The following NBEA variants were observed in gnomAD, a reference collection of about 807,000 sequenced individuals.
The protein encoded by NBEA is lysosomal-trafficking regulator 2.
A neutral mutation model predicts 343.4 loss-of-function variants in NBEA; 44 were observed. The observed-to-expected ratio is 0.13, with a 90% CI of 0.10 to 0.16. NBEA has a LOEUF of 0.16. Ranked by LOEUF, NBEA falls within the 10% of genes least tolerant of loss-of-function variation. The pLI is 1.00. For synonymous variants in NBEA, 1,175 were observed against 1,238.7 expected (o/e 0.95, Z 1.08); for missense variants, 2,555 against 3,631.3 (o/e 0.70, Z 7.62).
intron 30 of NBEA, among the ~76,000 whole-genome samples, chr13:35,191,727 C>A (rs2072210161): frequency 6.6e-6 from 1 of 151,806 alleles, no homozygotes; most frequent in African/African-American, 2.4e-5. Context: ...ATTTGAAGTG[C>A]CAAAGCTTAA....
intron 38 of NBEA, among the ~76,000 whole-genome samples, chr13:35,352,616 A>AT (rs908601135): frequency 2.0e-5 from 3 of 152,044 alleles, no homozygotes. Context: ...CATATGTAAC[A>AT]TGGATGTTTA....
At chr13:35,557,023 T>C (rs1477500973) in intron 44 of NBEA, among the ~76,000 whole-genome samples, 2 of 151,650 alleles carry the variant, frequency 1.3e-5, no homozygotes, top group African/African-American at 2.4e-5. Context: ...TTAGACACCA[T>C]TAGGTGATTT....
intron 41 of NBEA, chr13:35,476,296 C>CCTGCTGCTGCTGCTGTTG: frequency 2.1e-6 from 2 of 960,316 alleles, no homozygotes; most frequent in Non-Finnish European, 3.3e-6. Flanking sequence ...CGTTGGTTTC[C>CCTGCTGCTGCTGCTGTTG]CTGCTGCTGC....
At chr13:35,124,778 A>G (rs2067023095) in intron 17 of NBEA, among the ~76,000 whole-genome samples, 1 of 149,418 alleles carries the variant, frequency 6.7e-6, no homozygotes, top group South Asian at 2.1e-4. Flanking sequence ...ACACACATAT[A>G]TGGATATATA....
chr13:35,473,272 T>G (rs921415626), intron 41 of NBEA, among the ~76,000 whole-genome samples: 1 of 152,184 alleles, frequency 6.6e-6, no homozygotes, highest in African/African-American at 2.4e-5. Flanking sequence ...ACTGTGCAAT[T>G]TGCAAACTTC....
chr13:35,577,213 G>T (rs1478709493), intron 45 of NBEA, among the ~76,000 whole-genome samples: 1 of 152,132 alleles, frequency 6.6e-6, no homozygotes, highest in East Asian at 1.9e-4. Flanking sequence ...GTCCATTTCT[G>T]CTGCAGTCAT....
chr13:35,494,069 T>C (rs1232053909), intron 41 of NBEA, among the ~76,000 whole-genome samples: 1 of 151,938 alleles, frequency 6.6e-6, no homozygotes, highest in Non-Finnish European at 1.5e-5. Context: ...TGTCTTTATG[T>C]AACTTTATAA....
At chr13:35,049,287 G>A (rs1454620665) in intron 5 of NBEA, among the ~76,000 whole-genome samples, 1 of 151,692 alleles carries the variant, frequency 6.6e-6, no homozygotes, top group Non-Finnish European at 1.5e-5. Flanking sequence ...TGTATGCTAG[G>A]CATTGTAAGT....
At chr13:35,275,091 A>G (rs1357836627) in intron 34 of NBEA, among the ~76,000 whole-genome samples, 2 of 152,212 alleles carry the variant, frequency 1.3e-5, no homozygotes, top group Admixed American at 6.5e-5. Context: ...GCATCATGCT[A>G]CCTGACTTCA....
intron 38 of NBEA, among the ~76,000 whole-genome samples, chr13:35,385,124 T>C (rs2042183653): frequency 2.0e-5 from 3 of 152,232 alleles, no homozygotes; most frequent in Non-Finnish European, 4.4e-5. Context: ...TAGTCTCTGC[T>C]GCATTAAAAT....
At chr13:34,983,770 C>T (rs2060445522) in intron 1 of NBEA, among the ~76,000 whole-genome samples, 1 of 152,138 alleles carries the variant, frequency 6.6e-6, no homozygotes, top group Non-Finnish European at 1.5e-5. Flanking sequence ...CTCTGGTGAC[C>T]AGTGATGATG....
chr13:35,113,689 A>G (rs2066347938), intron 13 of NBEA, among the ~76,000 whole-genome samples: 1 of 152,134 alleles, frequency 6.6e-6, no homozygotes, highest in South Asian at 2.1e-4. Flanking sequence ...TTATATCAAC[A>G]GTTAGCATAC....
At chr13:35,083,600 T>C (rs1257190411) in intron 10 of NBEA, among the ~76,000 whole-genome samples, 1 of 152,006 alleles carries the variant, frequency 6.6e-6, no homozygotes, top group Non-Finnish European at 1.5e-5. Context: ...AAAGAGCTCC[T>C]GAAGGAAGCA....
intron 40 of NBEA, among the ~76,000 whole-genome samples, chr13:35,459,101 CA>C (rs1410785111): frequency 2.1e-5 from 3 of 140,862 alleles, no homozygotes; most frequent in Non-Finnish European, 4.5e-5. Context: ...GAGAAAAATA[CA>C]GAAGGAGGAG....
chr13:35,387,319 T>G (rs1390023843), intron 38 of NBEA, among the ~76,000 whole-genome samples: 1 of 152,146 alleles, frequency 6.6e-6, no homozygotes, highest in African/African-American at 2.4e-5. Flanking sequence ...GACACATGGT[T>G]CCAGAAGTAT....
At chr13:34,956,606 A>G (rs890755376) in intron 1 of NBEA, among the ~76,000 whole-genome samples, 2 of 152,192 alleles carry the variant, frequency 1.3e-5, no homozygotes, top group Non-Finnish European at 1.5e-5. Context: ...TAAAAATCAA[A>G]TTGGGGTAGT....
At chr13:35,120,986 G>C (rs185645120) in intron 16 of NBEA, among the ~76,000 whole-genome samples, 49 of 152,296 alleles carry the variant, frequency 3.2e-4, no homozygotes, top group African/African-American at 1.1e-3. Context: ...TCTTGACCCA[G>C]GGTGGGGTCT....
chr13:35,487,581 C>G (rs2076348030), intron 41 of NBEA, among the ~76,000 whole-genome samples: 1 of 151,784 alleles, frequency 6.6e-6, no homozygotes, highest in African/African-American at 2.4e-5. Context: ...GTTATCTAAC[C>G]TCTACTTTTA....
chr13:35,305,673 G>C, intron 35 of NBEA, among the ~76,000 whole-genome samples: 1 of 152,178 alleles, frequency 6.6e-6, no homozygotes, highest in East Asian at 1.9e-4. Flanking sequence ...TGCCAATGAT[G>C]ATGTAGAGCA....
Sources: gnomAD v4.1 joint callset for allele counts (sites outside exome capture counted in the v4.1 genomes callset) on GRCh38, gnomAD v4.1.1 for gene constraint, MANE v1.5 for transcripts, NCBI Gene and HGNC (gene_info 2026-07-23, HGNC 2026-07-21) for gene names.